MVP: variants seen among roughly 807,000 people sequenced by gnomAD.
MVP encodes the protein major vault protein, also known as lung resistance-related protein.
A neutral mutation model predicts 83.5 loss-of-function variants in MVP; 62 were observed. That is an observed-to-expected ratio of 0.74 (90% CI 0.61 to 0.92). The LOEUF is 0.92. Ranked by LOEUF, MVP falls within the 40% of genes least tolerant of loss-of-function variation. The pLI is 0.00. For synonymous variants in MVP, 505 were observed against 504.1 expected (o/e 1.00, Z -0.02); for missense variants, 1,000 against 1,203.4 (o/e 0.83, Z 2.50).
In MVP at chr16:29,833,945, C is replaced by T. The variant is rs200269115; in HGVS notation, c.456C>T (p.Ile152=). The T allele has an allele frequency of 1.9e-6, 3 of 1,614,084 alleles. No individual in the cohort carries two copies. In the East Asian group the frequency reaches 6.7e-5, roughly 36 times the overall value. ...EWLFEGPGTY[I]PRKEVEVVEI... ...ACCTTCCCTCCCCAGGCACGTACAT[C>T]CCCCGGAAGGAAGTGGAGGTCGTGG... Residue 152 remains isoleucine (I), a synonymous_variant, in exon 5 of 15, where the codon ATC becomes ATT. Transcript: ENST00000357402.
At position 29,835,729 on chromosome 16, in the gene MVP, A is replaced by G. The variant is rs1395368568; in HGVS notation, c.603A>G (p.Val201=). 1.9e-6 allele frequency: 3 copies of G among 1,613,686 alleles called. No individual in the cohort carries two copies. The highest frequency in any genetic ancestry group is 2.5e-6 in the Non-Finnish European group (3 of 1,179,940). Reference sequence around the variant, plus strand: ...GGGAAGAATGGCTGGTCACCACAGTAGGGGCGTACCTCCCAGCGGTGTTTG... The same window carrying G: ...GGGAAGAATGGCTGGTCACCACAGTGGGGGCGTACCTCCCAGCGGTGTTTG... ...VTGEEWLVTT[V]GAYLPAVFEE... Residue 201 remains valine (V), a synonymous_variant, in exon 6 of 15, where the codon GTA becomes GTG. Transcript: ENST00000357402.
At chr16:29,822,182 C>G (rs2067367641) in intron 1 of MVP, among the ~76,000 whole-genome samples, 3 of 151,286 alleles carry the variant, frequency 2.0e-5, no homozygotes, top group Non-Finnish European at 4.4e-5. Flanking sequence ...AGCCTGGTTC[C>G]TGGGGTCGCT....
chr16:29,845,911 G>T lies in MVP; in HGVS notation c.2070G>T (p.Arg690=), dbSNP rs763173823. Residue 690 remains arginine (R), a synonymous_variant, in exon 12 of 15, where the codon CGG becomes CGT. Coordinates refer to ENST00000357402, the MANE Select transcript of MVP (RefSeq NM_005115.5). ...AGGAAGCCCGCGGCCGGCTTGAGCG[G>T]CAGAAGATCCTGGACCAGTCAGAAG... ...LEQEARGRLE[R]QKILDQSEAE... 1.2e-5 allele frequency: 20 copies of T among 1,614,192 alleles called. No individual in the cohort carries two copies. In the South Asian group the frequency reaches 2.2e-4, roughly 18 times the overall value.
chr16:29,833,642 A>T (rs1428362806), intron 3 of MVP, 91 bp from the exon 4 acceptor site: 1 of 1,550,538 alleles, frequency 6.4e-7, no homozygotes, highest in East Asian at 2.3e-5. Flanking sequence ...ACATACAGAG[A>T]TGGATGTTGT....
chr16:29,828,503 C>G (rs1255256279), intron 1 of MVP, among the ~76,000 whole-genome samples: 4 of 152,252 alleles, frequency 2.6e-5, no homozygotes, highest in African/African-American at 7.2e-5. Flanking sequence ...TCTCAGCCCC[C>G]CTAGTAGCTG....
chr16:29,822,273 G>C (rs1468986834), intron 1 of MVP, among the ~76,000 whole-genome samples: 1 of 151,592 alleles, frequency 6.6e-6, no homozygotes, highest in African/African-American at 2.4e-5. Context: ...GGAAGTCTAG[G>C]CTGGCTGAGC....
chr16:29,824,613 C>G (rs1324593277), intron 1 of MVP, among the ~76,000 whole-genome samples: 1 of 152,190 alleles, frequency 6.6e-6, no homozygotes, highest in Admixed American at 6.5e-5. Flanking sequence ...AAAAAATTAG[C>G]CAGGCTTGGT....
intron 7 of MVP, among the ~76,000 whole-genome samples, chr16:29,839,047 T>C (rs1468560534): frequency 6.6e-6 from 1 of 151,954 alleles, no homozygotes; most frequent in East Asian, 1.9e-4. Context: ...TTAGCTAGCA[T>C]GATGGCGGGT....
rs1555505302 is a variant in MVP, at chr16:29,844,596, C to CG, written c.1744dup (p.Ala582GlyfsTer9). The CG allele has an allele frequency of 6.2e-7, 1 of 1,613,110 alleles. No homozygotes were observed. The highest frequency in any genetic ancestry group is 8.5e-7 in the Non-Finnish European group (1 of 1,179,468). On this transcript the variant is annotated frameshift_variant, in exon 11 of 15. Transcript: ENST00000357402. LOFTEE classifies it high-confidence loss of function. The stretch of plus-strand genomic sequence containing the variant: ...CTGCAAAGCCATCGCATCCCGGGTG[C>CG]GGGGGGCCGTGGCCTCTGTCACTTT...
At chr16:29,827,931 A>T (rs1217259609) in intron 1 of MVP, among the ~76,000 whole-genome samples, 3 of 152,134 alleles carry the variant, frequency 2.0e-5, no homozygotes, top group Non-Finnish European at 4.4e-5. Context: ...TAATTTAAAA[A>T]TTTAGTTCCT....
In MVP at chr16:29,844,594, TGCGGGGG is replaced by T; in HGVS notation, c.1739_1745del (p.Arg580ProfsTer131). ...GCCTGCAAAGCCATCGCATCCCGGG[TGCGGGGG>T]GCCGTGGCCTCTGTCACTTTCGATG... On this transcript the variant is annotated frameshift_variant, in exon 11 of 15. Coordinates refer to ENST00000357402, the MANE Select transcript of MVP (RefSeq NM_005115.5). LOFTEE classifies it high-confidence loss of function. 6.2e-7 allele frequency: 1 copy of T among 1,613,268 alleles called. No individual in the cohort carries two copies. Among genetic ancestry groups the T allele is most frequent in the Non-Finnish European group, 8.5e-7 (1 of 1,179,576 alleles).
chr16:29,845,625 T>A (rs1268586089), intron 11 of MVP, among the ~76,000 whole-genome samples: 1 of 152,210 alleles, frequency 6.6e-6, no homozygotes, highest in Non-Finnish European at 1.5e-5. Flanking sequence ...GTATACTTGT[T>A]CTTTTCCCAC....
At chr16:29,821,039 TAGC>T (rs2067355009) in intron 1 of MVP, 1 of 152,226 alleles carries the variant, frequency 6.6e-6, no homozygotes, top group Non-Finnish European at 1.5e-5. Context: ...AGGAAGTCAT[TAGC>T]AGAGTGATTT....
intron 10 of MVP, among the ~76,000 whole-genome samples, chr16:29,842,899 G>T (rs929472316): frequency 3.9e-5 from 6 of 152,164 alleles, no homozygotes; most frequent in African/African-American, 7.2e-5. Flanking sequence ...CGTAACTGTC[G>T]GGCTGTTAAA....
At chr16:29,831,572 C>A in intron 3 of MVP, 1 of 456,020 alleles carries the variant, frequency 2.2e-6, no homozygotes, top group Non-Finnish European at 4.4e-6. Flanking sequence ...TCCAGCCACC[C>A]CCATCCTCCA....
At position 29,841,210 on chromosome 16, in the gene MVP, G is replaced by A. The variant is rs148228112; in HGVS notation, c.1192-386G>A. ...GCTTGGAATCCGAGGGAGCATCCGT[G>A]TACACAGCCTACTTCACCATCCCCG... On this transcript the variant is annotated intron_variant, in intron 8 of 14. Transcript: ENST00000357402. This position sits in a 1 kb window ranked among gnomAD's most constrained non-coding sequence, Gnocchi z 4.7. Among the ~76,000 whole-genome samples the A allele has an allele frequency of 3.0e-4, 46 of 152,268 alleles. No homozygotes were observed. The highest frequency in any genetic ancestry group is 1.1e-3 in the African/African-American group (44 of 41,540).
In MVP at chr16:29,837,179, T is replaced by G. The variant is rs149254462; in HGVS notation, c.909+221T>G. Among the ~76,000 whole-genome samples the G allele has an allele frequency of 5.9e-5, 9 of 152,348 alleles. No homozygotes were observed. In the East Asian group the frequency reaches 1.5e-3, roughly 26 times the overall value. On this transcript the variant is annotated intron_variant, in intron 7 of 14. Transcript: ENST00000357402. ...AGTTAATTCCCCTTCTGGGAAGGCC[T>G]CCTGGCTACCCGCTGCCTGAGACTC... is the stretch of plus-strand genomic sequence containing the variant.
intron 1 of MVP, among the ~76,000 whole-genome samples, chr16:29,824,238 A>AC (rs2067389495): frequency 6.6e-6 from 1 of 150,872 alleles, no homozygotes; most frequent in Non-Finnish European, 1.5e-5. Flanking sequence ...AAAAAAAAAA[A>AC]AAACAGATTT....
intron 5 of MVP, chr16:29,834,855 T>G (rs2067472806): frequency 1.0e-5 from 1 of 98,316 alleles, no homozygotes; most frequent in Non-Finnish European, 2.1e-5. Flanking sequence ...CCAGCTAATT[T>G]TTTTTTTTTT....
Sources: gnomAD v4.1 joint callset for allele counts (sites outside exome capture counted in the v4.1 genomes callset) on GRCh38, gnomAD v4.1.1 for gene constraint, Gnocchi (gnomAD v3.1) non-coding constraint, MANE v1.5 for transcripts, NCBI Gene and HGNC (gene_info 2026-07-23, HGNC 2026-07-21) for gene names.